The following MARCHF1 variants were observed in gnomAD, a reference collection of about 807,000 sequenced individuals.
MARCHF1 encodes membrane associated ring-CH-type finger 1.
MARCHF1 carries 40 observed loss-of-function variants against 54.2 expected under a neutral mutation model. The ratio of observed to expected loss-of-function variants is 0.74; its 90% CI spans 0.57 to 0.96. The LOEUF (loss-of-function observed/expected upper bound fraction) is 0.96, where lower values mean the gene tolerates loss of function less well. MARCHF1 is among the 40% of genes least tolerant of loss of function. The pLI is 0.00. For missense variants in MARCHF1, 586 were observed against 656.5 expected (o/e 0.89, Z 1.17); for synonymous variants, 236 against 236.3 (o/e 1.00, Z 0.01).
At chr4:163,644,693 C>T (rs769793691) in intron 5 of MARCHF1, among the ~76,000 whole-genome samples, 5 of 152,062 alleles carry the variant, frequency 3.3e-5, no homozygotes, top group Admixed American at 6.6e-5. Context: ...CAGCAGATCC[C>T]GAAAAAACCA....
intron 1 of MARCHF1, among the ~76,000 whole-genome samples, chr4:164,160,695 A>G (rs1730209006): frequency 6.6e-6 from 1 of 152,224 alleles, no homozygotes; most frequent in Non-Finnish European, 1.5e-5. Flanking sequence ...TCAACCACTG[A>G]CAGTGAGTGC....
chr4:163,917,139 T>C (rs1260245272), intron 3 of MARCHF1, among the ~76,000 whole-genome samples: 2 of 152,180 alleles, frequency 1.3e-5, no homozygotes, highest in African/African-American at 4.8e-5. Context: ...TTTAGTAATA[T>C]GCACTTGGAG....
chr4:163,786,044 G>A (rs1325344621), intron 4 of MARCHF1, among the ~76,000 whole-genome samples: 1 of 151,928 alleles, frequency 6.6e-6, no homozygotes, highest in Non-Finnish European at 1.5e-5. Context: ...CAGGAAATGT[G>A]GGTAGCCTCA....
intron 4 of MARCHF1, among the ~76,000 whole-genome samples, chr4:163,781,830 A>G (rs1225584058): frequency 1.3e-5 from 2 of 152,226 alleles, no homozygotes; most frequent in Non-Finnish European, 2.9e-5. Flanking sequence ...GGAAAAAATC[A>G]TATGTGAGTT....
At chr4:163,916,579 C>T (rs1459774874) in intron 3 of MARCHF1, among the ~76,000 whole-genome samples, 1 of 152,098 alleles carries the variant, frequency 6.6e-6, no homozygotes, top group African/African-American at 2.4e-5. Flanking sequence ...CTGAAATTAT[C>T]TTCCTAGGCT....
At chr4:163,836,785 GTCTGCT>G in intron 4 of MARCHF1, among the ~76,000 whole-genome samples, 1 of 149,978 alleles carries the variant, frequency 6.7e-6, no homozygotes, top group South Asian at 2.1e-4. Context: ...AGAGCACTGA[GTCTGCT>G]TGATGACAGG....
At chr4:163,665,111 C>G (rs1404802492) in intron 5 of MARCHF1, among the ~76,000 whole-genome samples, 1 of 151,996 alleles carries the variant, frequency 6.6e-6, no homozygotes, top group Non-Finnish European at 1.5e-5. Context: ...GGACACAATG[C>G]TATGGCTCTG....
At chr4:163,801,047 T>C (rs1004052110) in intron 4 of MARCHF1, among the ~76,000 whole-genome samples, 4 of 152,256 alleles carry the variant, frequency 2.6e-5, no homozygotes, top group African/African-American at 9.6e-5. Flanking sequence ...AATCTGTTCA[T>C]GTCTATAACT....
intron 1 of MARCHF1, chr4:164,189,513 T>A: frequency 1.3e-6 from 1 of 761,386 alleles, no homozygotes. Context: ...AGTCCTTCAA[T>A]GGCAAGGAGT....
At chr4:164,350,121 TTAA>T in intron 1 of MARCHF1, among the ~76,000 whole-genome samples, 1 of 152,220 alleles carries the variant, frequency 6.6e-6, no homozygotes, top group Non-Finnish European at 1.5e-5. Flanking sequence ...TATACATATT[TTAA>T]TAATCCAAGA....
intron 1 of MARCHF1, among the ~76,000 whole-genome samples, chr4:164,153,539 C>T (rs1729999178): frequency 6.6e-6 from 1 of 151,930 alleles, no homozygotes; most frequent in African/African-American, 2.4e-5. Flanking sequence ...TAAAGAAAGT[C>T]CACCCACATG....
intron 3 of MARCHF1, among the ~76,000 whole-genome samples, chr4:163,955,540 C>T (rs1752215673): frequency 6.6e-6 from 1 of 152,046 alleles, no homozygotes; most frequent in Non-Finnish European, 1.5e-5. Context: ...CTGTGCTGTG[C>T]TTCTCATGTC....
At chr4:163,914,830 T>A (rs1055786294) in intron 3 of MARCHF1, among the ~76,000 whole-genome samples, 1 of 152,304 alleles carries the variant, frequency 6.6e-6, no homozygotes, top group African/African-American at 2.4e-5. Context: ...TTACATATTT[T>A]CTGGAGATTG....
intron 2 of MARCHF1, among the ~76,000 whole-genome samples, chr4:164,044,525 G>C (rs929839432): frequency 6.6e-6 from 1 of 152,026 alleles, no homozygotes; most frequent in Admixed American, 6.6e-5. Flanking sequence ...CTTCCAATTC[G>C]ACATGAGATT....
intron 1 of MARCHF1, among the ~76,000 whole-genome samples, chr4:164,330,326 A>G (rs887975924): frequency 1.3e-5 from 2 of 152,126 alleles, no homozygotes; most frequent in Admixed American, 6.5e-5. Flanking sequence ...CTCCCTTCCT[A>G]TAGGCAACCA....
At chr4:164,145,627 C>T (rs1236255025) in intron 1 of MARCHF1, among the ~76,000 whole-genome samples, 1 of 152,162 alleles carries the variant, frequency 6.6e-6, no homozygotes, top group Admixed American at 6.5e-5. Flanking sequence ...CAACAACCTT[C>T]ATGCCAAAAA....
At chr4:164,025,864 T>A (rs1262636338) in intron 2 of MARCHF1, among the ~76,000 whole-genome samples, 8 of 151,830 alleles carry the variant, frequency 5.3e-5, no homozygotes, top group African/African-American at 1.9e-4. Flanking sequence ...TTTAAATAAG[T>A]GCAATGAAAA....
At chr4:164,092,208 TC>T (rs1197050076) in intron 2 of MARCHF1, among the ~76,000 whole-genome samples, 2 of 152,072 alleles carry the variant, frequency 1.3e-5, no homozygotes, top group Non-Finnish European at 2.9e-5. Flanking sequence ...TTACCTTAAG[TC>T]CCTTCCATCA....
intron 4 of MARCHF1, among the ~76,000 whole-genome samples, chr4:163,721,905 T>C (rs949074153): frequency 6.6e-5 from 10 of 152,156 alleles, no homozygotes; most frequent in African/African-American, 2.4e-4. Context: ...TTGCGCCTAT[T>C]TGATGCTTCT....
Sources: gnomAD v4.1 joint callset for allele counts (sites outside exome capture counted in the v4.1 genomes callset) on GRCh38, gnomAD v4.1.1 for gene constraint, MANE v1.5 for transcripts, NCBI Gene and HGNC (gene_info 2026-07-23, HGNC 2026-07-21) for gene names.